The following ST7L variants were observed in gnomAD, a reference collection of about 807,000 sequenced individuals.
ST7L encodes the protein suppression of tumorigenicity 7 like, also known as suppressor of tumorigenicity 7 protein-like.
Under a neutral mutation model 72.5 loss-of-function variants are expected in ST7L, and 57 were observed. That is an observed-to-expected ratio of 0.79 (90% CI 0.64 to 0.98). ST7L has a LOEUF of 0.98. Among genes scored for constraint, ST7L ranks in the 50% least tolerant of loss-of-function variants. The pLI is 0.00. For synonymous variants in ST7L, 221 were observed against 240.9 expected, an observed-to-expected ratio of 0.92 and a Z score of 0.77; for missense variants, 576 against 672.2, an observed-to-expected ratio of 0.86 and a Z score of 1.58.
chr1:112,617,731 A>T (rs1036533528), intron 1 of ST7L, among the ~76,000 whole-genome samples: 1 of 151,604 alleles, frequency 6.6e-6, no homozygotes, highest in Non-Finnish European at 1.5e-5. Flanking sequence ...ACACACACAC[A>T]CACACACACA....
chr1:112,572,529 A>G (rs762299866), intron 11 of ST7L, among the ~76,000 whole-genome samples: 16 of 152,344 alleles, frequency 1.1e-4, no homozygotes, highest in Admixed American at 7.8e-4. Flanking sequence ...TATTATATCT[A>G]CCTTCATGGA....
chr1:112,617,626 C>T (rs1474989777), intron 1 of ST7L, among the ~76,000 whole-genome samples: 2 of 151,758 alleles, frequency 1.3e-5, no homozygotes, highest in African/African-American at 2.4e-5. Context: ...GCCAGAGGAT[C>T]GCTTAAGCAG....
intron 2 of ST7L, among the ~76,000 whole-genome samples, chr1:112,614,023 C>A (rs949356325): frequency 2.0e-5 from 3 of 152,148 alleles, no homozygotes; most frequent in Non-Finnish European, 4.4e-5. Flanking sequence ...AGACACCACA[C>A]CTGGCCACAA....
At chr1:112,542,487 G>A (rs777403212) in intron 13 of ST7L, among the ~76,000 whole-genome samples, 2 of 152,330 alleles carry the variant, frequency 1.3e-5, no homozygotes, top group Non-Finnish European at 2.9e-5. Flanking sequence ...GCCACAGGTG[G>A]TGGTTCACGT....
chr1:112,599,871 C>A (rs1667129318), intron 4 of ST7L, among the ~76,000 whole-genome samples: 1 of 152,076 alleles, frequency 6.6e-6, no homozygotes, highest in Admixed American at 6.5e-5. Context: ...TTATACGTAT[C>A]ACAAACATAT....
intron 2 of ST7L, among the ~76,000 whole-genome samples, chr1:112,612,589 A>C (rs1464977023): frequency 6.6e-6 from 1 of 152,070 alleles, no homozygotes; most frequent in Admixed American, 6.6e-5. Context: ...GTTTATAGGA[A>C]AGTGTGAGAA....
chr1:112,531,310 T>C (rs1654346806), intron 14 of ST7L, among the ~76,000 whole-genome samples: 1 of 152,226 alleles, frequency 6.6e-6, no homozygotes, highest in Non-Finnish European at 1.5e-5. Flanking sequence ...TCTTAAATTT[T>C]GAATTGTGGA....
rs146691818 is a variant in ST7L, at chr1:112,590,929, C to CTT, written c.701+594_701+595dup. Among the ~76,000 whole-genome samples the CTT allele has an allele frequency of 8.6e-4, 111 of 128,622 alleles. 3 individuals are homozygous for CTT. Among genetic ancestry groups the CTT allele is most frequent in the African/African-American group, 2.0e-3 (67 of 33,152 alleles). The allele number at this position is 128,622 out of a possible 152,430, so 84.4% of individuals were successfully genotyped here. A position where few individuals can be genotyped will look rare whatever the true frequency, so the allele number is the denominator to read the frequency against. On this transcript the variant is annotated intron_variant, in intron 6 of 14. Coordinates refer to ENST00000358039, the MANE Select transcript of ST7L (RefSeq NM_017744.5). ...ATAAATACATTTGTATTTTAGTACC[C>CTT]TTTTTTTTTTTTTTTTTTTGAGACA...
intron 11 of ST7L, among the ~76,000 whole-genome samples, chr1:112,564,866 G>C (rs1660717832): frequency 6.8e-6 from 1 of 147,212 alleles, no homozygotes; most frequent in Admixed American, 6.8e-5. Flanking sequence ...GGGTGGATAA[G>C]ACTTGTAACA....
chr1:112,560,165 C>T (rs533792266), intron 11 of ST7L, among the ~76,000 whole-genome samples: 5 of 152,052 alleles, frequency 3.3e-5, no homozygotes, highest in African/African-American at 1.2e-4. Flanking sequence ...GAGGCCGAGG[C>T]GGGAGGATCA....
chr1:112,541,570 G>A (rs571991684), intron 14 of ST7L, among the ~76,000 whole-genome samples: 7 of 152,090 alleles, frequency 4.6e-5, no homozygotes, highest in Non-Finnish European at 8.8e-5. Context: ...TGAGTTTAAA[G>A]TTCAACAAAT....
rs1435503352 is a variant in ST7L at position 112,577,903 on chromosome 1, CAGA to C, written c.1142+439_1142+441del. On this transcript the variant is annotated intron_variant, in intron 10 of 14. Coordinates refer to ENST00000358039, the MANE Select transcript of ST7L (RefSeq NM_017744.5). Reference sequence around the variant, plus strand: ...AGAGTAGCCAAAAATACAAGAAAAGCAGAAGAACTCAGAATTATACTCTAAGAA... The same window carrying C: ...AGAGTAGCCAAAAATACAAGAAAAGCAGAACTCAGAATTATACTCTAAGAA... Among the ~76,000 whole-genome samples the C allele has an allele frequency of 2.0e-5, 3 of 152,270 alleles. No individual in the cohort carries two copies. In the East Asian group the frequency reaches 5.8e-4, roughly 29 times the overall value.
intron 10 of ST7L, among the ~76,000 whole-genome samples, chr1:112,578,005 T>C (rs1663423913): frequency 6.6e-6 from 1 of 151,202 alleles, no homozygotes; most frequent in Admixed American, 6.5e-5. Context: ...TGTGTGTACT[T>C]TCTTTCTAGA....
chr1:112,584,074 C>T lies in ST7L; in HGVS notation c.754G>A (p.Asp252Asn). Residue 252 changes from aspartate to asparagine, a missense_variant, in exon 7 of 15, where the codon GAT becomes AAT. By Grantham distance (23) the Asp-to-Asn change is conservative. Coordinates refer to ENST00000358039, the MANE Select transcript of ST7L (RefSeq NM_017744.5). The stretch of plus-strand genomic sequence containing the variant: ...GCCTGTTTAAATAACCTTTCAGCAT[C>T]TACAATAGTTGTTGCTTCTTCCTCA... The part of the protein sequence containing the change: ...LAEEEATTIV[D>N]AERLFKQALK... 1 of 1,614,128 alleles carries T rather than the reference C, an allele frequency of 6.2e-7. No individual in the cohort carries two copies. Among genetic ancestry groups the T allele is most frequent in the Non-Finnish European group, 8.5e-7 (1 of 1,180,032 alleles).
intron 3 of ST7L, among the ~76,000 whole-genome samples, chr1:112,608,434 A>G (rs759143229): frequency 6.6e-6 from 1 of 152,138 alleles, no homozygotes. Flanking sequence ...CTTATATAAG[A>G]CACCATGTAT....
intron 14 of ST7L, chr1:112,529,292 AT>A (rs1165641051): frequency 3.3e-5 from 5 of 152,162 alleles, no homozygotes; most frequent in African/African-American, 1.2e-4. Flanking sequence ...CAGTGATAGC[AT>A]TTGTTAGTAT....
intron 3 of ST7L, among the ~76,000 whole-genome samples, chr1:112,601,984 T>A (rs898709934): frequency 1.0e-4 from 15 of 148,276 alleles, no homozygotes; most frequent in African/African-American, 3.5e-4. Flanking sequence ...AGGCTGAGAG[T>A]GAGACAGAAG....
downstream of ST7L, chr1:112,521,285 G>GT (rs1224680999): frequency 1.4e-5 from 2 of 147,572 alleles, no homozygotes; most frequent in African/African-American, 5.0e-5. Context: ...GATTAATGTA[G>GT]TAAGTCTGGC....
intron 6 of ST7L, among the ~76,000 whole-genome samples, chr1:112,585,035 C>G (rs745414132): frequency 6.6e-6 from 1 of 152,160 alleles, no homozygotes. Context: ...GAATTCAGGT[C>G]CTTCCTCCTA....
Sources: gnomAD v4.1 joint callset for allele counts (sites outside exome capture counted in the v4.1 genomes callset) on GRCh38, gnomAD v4.1.1 for gene constraint, MANE v1.5 for transcripts, NCBI Gene and HGNC (gene_info 2026-07-23, HGNC 2026-07-21) for gene names.